SCOC: variants seen among roughly 807,000 people sequenced by gnomAD.
The protein encoded by SCOC is short coiled coil protein.
Under a neutral mutation model 9.9 loss-of-function variants are expected in SCOC, and 7 were observed. The ratio of observed to expected loss-of-function variants is 0.71; its 90% CI spans 0.40 to 1.33. The LOEUF is 1.33. Ranked by LOEUF, SCOC falls within the 40% of genes most tolerant of loss-of-function variation. The pLI is 0.01. For missense variants in SCOC, 66 were observed against 89.7 expected, an observed-to-expected ratio of 0.74 and a Z score of 1.07; for synonymous variants, 19 against 28.2, an observed-to-expected ratio of 0.67 and a Z score of 1.03.
At chr4:140,341,554 C>A (rs1480991434), upstream of SCOC, among the ~76,000 whole-genome samples, 1 of 152,136 alleles carries the variant, frequency 6.6e-6, no homozygotes, top group African/African-American at 2.4e-5. Flanking sequence ...AAGTGTGTGT[C>A]ATTATTTCTA....
chr4:140,340,565 C>T (rs1261011264), upstream of SCOC, among the ~76,000 whole-genome samples: 1 of 151,770 alleles, frequency 6.6e-6, no homozygotes, highest in East Asian at 1.9e-4. Flanking sequence ...AAGCTGCATC[C>T]CTACCTCTCA....
intron 1 of SCOC, among the ~76,000 whole-genome samples, chr4:140,292,189 GTT>G (rs5862468): frequency 1.9e-3 from 259 of 135,398 alleles, no homozygotes; most frequent in African/African-American, 6.1e-3. Flanking sequence ...TACTCTTCTG[GTT>G]TTTTTTTTTT....
At chr4:140,378,955 CT>C (rs1728457441) in intron 1 of SCOC, among the ~76,000 whole-genome samples, 165 bp from the exon 2 acceptor site, 1 of 152,090 alleles carries the variant, frequency 6.6e-6, no homozygotes, top group Admixed American at 6.5e-5. Flanking sequence ...TTTTCTCAAA[CT>C]ATTTATATCC....
intron 1 of SCOC, among the ~76,000 whole-genome samples, chr4:140,262,965 C>A (rs1263248733): frequency 6.6e-6 from 1 of 152,112 alleles, no homozygotes; most frequent in Non-Finnish European, 1.5e-5. Context: ...TGCCAGGCCC[C>A]CCCTCCAACC....
At chr4:140,373,845 CG>C in intron 1 of SCOC, 128 bp downstream of exon 1, 1 of 1,028,190 alleles carries the variant, frequency 9.7e-7, no homozygotes, top group East Asian at 2.6e-5. Flanking sequence ...CCGGGAGGAG[CG>C]GTCTCGGGCC....
At chr4:140,374,004 CG>C in intron 1 of SCOC, 1 of 604,432 alleles carries the variant, frequency 1.7e-6, no homozygotes, top group Non-Finnish European at 3.1e-6. Context: ...GCTTTCTCCC[CG>C]CAGCTCCTGG....
intron 1 of SCOC, among the ~76,000 whole-genome samples, chr4:140,374,937 C>A (rs1728271068): frequency 6.6e-6 from 1 of 152,184 alleles, no homozygotes; most frequent in Non-Finnish European, 1.5e-5. Flanking sequence ...GCATTTAGCA[C>A]ATTAATGCAC....
At chr4:140,312,493 G>A (rs1039986) in intron 1 of SCOC, among the ~76,000 whole-genome samples, 6 of 151,928 alleles carry the variant, frequency 3.9e-5, no homozygotes, top group Non-Finnish European at 5.9e-5. Flanking sequence ...CAGTGGTGCC[G>A]TTATAGCTCA....
At chr4:140,301,862 C>T (rs189144679) in intron 1 of SCOC, among the ~76,000 whole-genome samples, 14 of 152,316 alleles carry the variant, frequency 9.2e-5, no homozygotes, top group Non-Finnish European at 1.8e-4. Flanking sequence ...AACAAGTTCT[C>T]GCTCTGTTGC....
intron 1 of SCOC, among the ~76,000 whole-genome samples, chr4:140,278,051 G>C (rs1731022965): frequency 6.6e-6 from 1 of 152,218 alleles, no homozygotes; most frequent in Non-Finnish European, 1.5e-5. Context: ...TTATCTAGGT[G>C]AACTAAGTAT....
At chr4:140,289,432 C>A (rs1017703071) in intron 1 of SCOC, among the ~76,000 whole-genome samples, 4 of 152,198 alleles carry the variant, frequency 2.6e-5, no homozygotes, top group Non-Finnish European at 4.4e-5. Flanking sequence ...ATGGCTCCAC[C>A]CCCTCATTTC....
intron 1 of SCOC, among the ~76,000 whole-genome samples, chr4:140,271,507 A>G (rs1029940653): frequency 1.9e-4 from 29 of 152,230 alleles, no homozygotes; most frequent in African/African-American, 5.3e-4. Flanking sequence ...CTAAATATCA[A>G]GAAAGTATCT....
chr4:140,367,063 G>A (rs566858087), intron 2 of SCOC, among the ~76,000 whole-genome samples: 1 of 151,814 alleles, frequency 6.6e-6, no homozygotes, highest in Non-Finnish European at 1.5e-5. Flanking sequence ...AAAATTAGCC[G>A]GGTGTCATGG....
Position 140,318,956 on chromosome 4 carries a change from C to CT in SCOC, c.-18-24659dup, listed in dbSNP as rs1178621883. On this transcript the variant is annotated intron_variant, in intron 1 of 4. Coordinates refer to the SCOC transcript ENST00000394205. ...TCATCTCCACTTCTGGTGCAGGAAC[C>CT]TTTTTTCTACTCTAGGAAGCCTTCT... 2.0e-5 allele frequency among the ~76,000 whole-genome samples: 3 copies of CT among 152,094 alleles called. 1 individual carries two copies. Among genetic ancestry groups the CT allele is most frequent in the Admixed American group, 2.0e-4 (3 of 15,264 alleles).
chr4:140,289,926 T>C (rs1044408251), intron 1 of SCOC, among the ~76,000 whole-genome samples: 2 of 152,220 alleles, frequency 1.3e-5, no homozygotes, highest in African/African-American at 4.8e-5. Context: ...CCATTACTTT[T>C]AGTGGGTATT....
At chr4:140,380,194 C>CTT (rs993271002) in intron 3 of SCOC, among the ~76,000 whole-genome samples, 1,709 of 108,376 alleles carry the variant, frequency 0.016, 47 homozygotes, top group African/African-American at 0.031. Flanking sequence ...TTTTCTTTTT[C>CTT]TTTTTTTTTT....
chr4:140,262,883 C>A (rs1301853563), intron 1 of SCOC, among the ~76,000 whole-genome samples: 1 of 151,954 alleles, frequency 6.6e-6, no homozygotes, highest in Non-Finnish European at 1.5e-5. Context: ...TCTTTTGAGA[C>A]TTCTATCAGG....
chr4:140,287,652 G>C (rs949453109), intron 1 of SCOC, among the ~76,000 whole-genome samples: 2 of 151,836 alleles, frequency 1.3e-5, no homozygotes, highest in Admixed American at 1.3e-4. Flanking sequence ...GAGTATGCAG[G>C]TACATATACC....
At chr4:140,378,397 C>T (rs978228433) in intron 1 of SCOC, among the ~76,000 whole-genome samples, 10 of 152,064 alleles carry the variant, frequency 6.6e-5, no homozygotes, top group Admixed American at 2.6e-4. Context: ...TAATTTACAT[C>T]AGTGAATATA....
Sources: allele counts gnomAD v4.1 joint callset (sites outside exome capture counted in the v4.1 genomes callset), GRCh38; gene constraint gnomAD v4.1.1; transcripts MANE v1.5; gene names NCBI Gene and HGNC (gene_info 2026-07-23, HGNC 2026-07-21).